The following CCDC178 variants were observed in gnomAD, a reference collection of about 807,000 sequenced individuals.
CCDC178 encodes the protein coiled-coil domain-containing protein 178.
A neutral mutation model predicts 117.4 loss-of-function variants in CCDC178; 126 were observed. The observed-to-expected ratio is 1.07, with a 90% CI of 0.93 to 1.24. The LOEUF (loss-of-function observed/expected upper bound fraction) is 1.24, where lower values mean the gene tolerates loss of function less well. Ranked by LOEUF, CCDC178 falls within the 50% of genes most tolerant of loss-of-function variation. The pLI, the probability that CCDC178 is intolerant of heterozygous loss-of-function variation, is 0.00. For synonymous variants in CCDC178, 283 were observed against 313.4 expected (o/e 0.90, Z 1.02); for missense variants, 1,030 against 986.9 (o/e 1.04, Z -0.59).
intron 7 of CCDC178, among the ~76,000 whole-genome samples, chr18:33,352,485 C>G (rs2062991561): frequency 6.6e-6 from 1 of 152,056 alleles, no homozygotes; most frequent in Non-Finnish European, 1.5e-5. Flanking sequence ...CATACTCCTG[C>G]TTCCTTAAGG....
intron 12 of CCDC178, among the ~76,000 whole-genome samples, chr18:33,280,784 T>A (rs2060014428): frequency 6.6e-6 from 1 of 152,202 alleles, no homozygotes; most frequent in African/African-American, 2.4e-5. Context: ...TAAAAAATGA[T>A]GAGTTCATGT....
At chr18:33,122,927 A>C (rs1477723667) in intron 20 of CCDC178, among the ~76,000 whole-genome samples, 1 of 152,146 alleles carries the variant, frequency 6.6e-6, no homozygotes, top group Non-Finnish European at 1.5e-5. Flanking sequence ...CCGGCTACAG[A>C]AATAGCTCCC....
chr18:33,295,840 A>T (rs2144887021), intron 11 of CCDC178, among the ~76,000 whole-genome samples: 1 of 152,260 alleles, frequency 6.6e-6, no homozygotes, highest in Admixed American at 6.5e-5. Context: ...TTCATATAAA[A>T]TGGTACAAGC....
chr18:33,277,391 T>C (rs1021702724), intron 12 of CCDC178, among the ~76,000 whole-genome samples: 6 of 152,152 alleles, frequency 3.9e-5, no homozygotes, highest in African/African-American at 9.6e-5. Flanking sequence ...AAATTCTATA[T>C]GAGGAAACCC....
chr18:33,038,236 G>A (rs2056481583), intron 21 of CCDC178, among the ~76,000 whole-genome samples: 1 of 151,892 alleles, frequency 6.6e-6, no homozygotes, highest in Admixed American at 6.6e-5. Flanking sequence ...TAGCATCAGG[G>A]AGAATTAAAG....
At chr18:33,026,002 A>G (rs570434661) in intron 21 of CCDC178, among the ~76,000 whole-genome samples, 2 of 152,146 alleles carry the variant, frequency 1.3e-5, no homozygotes, top group Non-Finnish European at 2.9e-5. Flanking sequence ...TAAACAAACT[A>G]TAGTACAGTC....
At chr18:32,961,586 A>G (rs919810845) in intron 22 of CCDC178, among the ~76,000 whole-genome samples, 3 of 152,010 alleles carry the variant, frequency 2.0e-5, no homozygotes, top group African/African-American at 7.2e-5. Flanking sequence ...GTGGAAGACA[A>G]TTTTTCCACA....
intron 20 of CCDC178, among the ~76,000 whole-genome samples, chr18:33,189,676 C>A (rs1408681192): frequency 2.0e-5 from 3 of 152,106 alleles, no homozygotes; most frequent in Admixed American, 6.6e-5. Context: ...GAAGTATTTG[C>A]AATTGACTTT....
chr18:32,952,661 T>C (rs1413613191), intron 22 of CCDC178, among the ~76,000 whole-genome samples: 1 of 152,230 alleles, frequency 6.6e-6, no homozygotes, highest in East Asian at 1.9e-4. Flanking sequence ...GTCTTGATGA[T>C]TAACATTTGG....
At chr18:33,206,767 C>T (rs779170907) in intron 20 of CCDC178, among the ~76,000 whole-genome samples, 21 of 152,154 alleles carry the variant, frequency 1.4e-4, no homozygotes, top group Non-Finnish European at 1.5e-4. Flanking sequence ...CCATACACTT[C>T]TTGTAACAGC....
chr18:32,984,249 T>C (rs989890886), intron 21 of CCDC178, among the ~76,000 whole-genome samples: 4 of 151,848 alleles, frequency 2.6e-5, no homozygotes, highest in Admixed American at 2.0e-4. Context: ...CATTTGGATC[T>C]CTGCTAATAT....
intron 21 of CCDC178, among the ~76,000 whole-genome samples, chr18:33,011,422 G>A (rs564890225): frequency 1.3e-5 from 2 of 152,050 alleles, no homozygotes; most frequent in Non-Finnish European, 2.9e-5. Context: ...TATAGTTAAT[G>A]AGTCTAAAAA....
intron 22 of CCDC178, among the ~76,000 whole-genome samples, chr18:32,959,918 G>C (rs979887620): frequency 6.6e-6 from 1 of 151,764 alleles, no homozygotes; most frequent in East Asian, 1.9e-4. Flanking sequence ...TTAAGTCTAA[G>C]AAAAAATCAG....
At chr18:32,974,805 G>A (rs1353057461) in intron 21 of CCDC178, 124 bp from the exon 22 acceptor site, 4 of 845,300 alleles carry the variant, frequency 4.7e-6, no homozygotes, top group East Asian at 5.4e-5. Context: ...GCACTGCACG[G>A]ACCTGACAGG....
intron 2 of CCDC178, among the ~76,000 whole-genome samples, chr18:33,430,252 TG>T (rs1440544493): frequency 2.0e-5 from 3 of 152,246 alleles, no homozygotes; most frequent in Admixed American, 2.0e-4. Context: ...CATTATTTTT[TG>T]TCAATGTATA....
intron 20 of CCDC178, among the ~76,000 whole-genome samples, chr18:33,191,870 T>C (rs2058862385): frequency 6.6e-6 from 1 of 152,158 alleles, no homozygotes; most frequent in Admixed American, 6.5e-5. Context: ...TTTTGAGTGA[T>C]GATATATTAT....
chr18:32,956,071 T>C (rs1467940457), intron 22 of CCDC178, among the ~76,000 whole-genome samples: 2 of 152,182 alleles, frequency 1.3e-5, no homozygotes, highest in African/African-American at 4.8e-5. Flanking sequence ...AAAATTGAGT[T>C]ATGTACATTC....
At chr18:33,138,939 A>C (rs184146423) in intron 20 of CCDC178, among the ~76,000 whole-genome samples, 11 of 152,288 alleles carry the variant, frequency 7.2e-5, no homozygotes, top group Admixed American at 7.2e-4. Context: ...AATTTCAGTG[A>C]TATGGTTTGG....
intron 20 of CCDC178, among the ~76,000 whole-genome samples, chr18:33,132,582 A>G (rs975771416): frequency 2.6e-5 from 4 of 151,788 alleles, no homozygotes; most frequent in African/African-American, 9.7e-5. Flanking sequence ...AATTTAAAAG[A>G]ATCTGCCTAT....
Sources: allele counts gnomAD v4.1 joint callset (sites outside exome capture counted in the v4.1 genomes callset), GRCh38; gene constraint gnomAD v4.1.1; transcripts MANE v1.5; gene names NCBI Gene and HGNC (gene_info 2026-07-23, HGNC 2026-07-21).